REV3L: variants seen among roughly 807,000 people sequenced by gnomAD.
REV3L encodes the protein DNA polymerase zeta catalytic subunit.
REV3L carries 69 observed loss-of-function variants against 299.4 expected under a neutral mutation model. That is an observed-to-expected ratio of 0.23 (90% CI 0.19 to 0.28). The LOEUF (loss-of-function observed/expected upper bound fraction) is 0.28. REV3L is among the 10% of genes least tolerant of loss of function. REV3L has a pLI of 1.00. For missense variants in REV3L, 3,128 were observed against 3,693.8 expected (o/e 0.85, Z 3.97); for synonymous variants, 1,238 against 1,271.4 (o/e 0.97, Z 0.56).
intron 14 of REV3L, among the ~76,000 whole-genome samples, chr6:111,366,183 T>A (rs771441649): frequency 3.9e-5 from 6 of 152,150 alleles, no homozygotes; most frequent in Non-Finnish European, 7.4e-5. Context: ...GAGGCATGTA[T>A]ATATAAGTGT....
Position 111,405,465 on chromosome 6 carries a change from C to A in REV3L, c.565+5G>T. 1 of 1,584,382 alleles carries A rather than the reference C, an allele frequency of 6.3e-7. No individual in the cohort carries two copies. The highest frequency in any genetic ancestry group is 8.6e-7 in the Non-Finnish European group (1 of 1,167,776). On this transcript the variant is annotated splice_donor_5th_base_variant and intron_variant, in intron 4 of 31. Transcript: ENST00000368802. Reference sequence around the variant, plus strand: ...AAATTTAATTTGACTGAAAATTAACCTTACTTTTCCTTCTTGCTTTTCGGA... The same window carrying A: ...AAATTTAATTTGACTGAAAATTAACATTACTTTTCCTTCTTGCTTTTCGGA...
In REV3L at chr6:111,373,454, G is replaced by T; in HGVS notation, c.4901C>A (p.Ser1634Ter). Residue 1634 changes from serine (S) to a stop codon, truncating the protein, a stop_gained, in exon 13 of 32, where the codon TCA becomes TAA. Coordinates refer to ENST00000368802, the MANE Select transcript of REV3L (RefSeq NM_001372078.1). LOFTEE classifies it high-confidence loss of function. ...TTCAGGAGATAAACTATCTTCAAGT[G>T]AGTAACAACTTTCAAAGCCTGGATC... is the stretch of plus-strand genomic sequence containing the variant. ...FSDPGFESCY[S>*]LEDSLSPEHN... The T allele has an allele frequency of 6.2e-7, 1 of 1,613,630 alleles. No homozygotes were observed. The highest frequency in any genetic ancestry group is 8.5e-7 in the Non-Finnish European group (1 of 1,179,838).
At chr6:111,444,653 T>C (rs1349563417) in intron 1 of REV3L, among the ~76,000 whole-genome samples, 3 of 152,232 alleles carry the variant, frequency 2.0e-5, no homozygotes, top group Non-Finnish European at 2.9e-5. Context: ...AGGTTTTACG[T>C]TCTGAAAATT....
intron 1 of REV3L, among the ~76,000 whole-genome samples, chr6:111,421,348 G>A (rs1785324595): frequency 6.6e-6 from 1 of 152,044 alleles, no homozygotes; most frequent in East Asian, 1.9e-4. Flanking sequence ...CTCTAATTTG[G>A]GGGTCTGAAA....
intron 1 of REV3L, among the ~76,000 whole-genome samples, chr6:111,455,839 T>C (rs1308936543): frequency 1.3e-5 from 2 of 152,208 alleles, no homozygotes; most frequent in Non-Finnish European, 2.9e-5. Context: ...CTTTTATGTA[T>C]GTGTAGGTGT....
chr6:111,482,714 A>T (rs1437341806), intron 1 of REV3L, 36 bp downstream of exon 1: 22 of 1,219,530 alleles, frequency 1.8e-5, no homozygotes, highest in Non-Finnish European at 2.3e-5. Flanking sequence ...CGCCCCGCCG[A>T]CTCCCGCTCC....
chr6:111,361,889 G>A (rs1350155595), intron 16 of REV3L, among the ~76,000 whole-genome samples: 1 of 152,128 alleles, frequency 6.6e-6, no homozygotes, highest in East Asian at 1.9e-4. Flanking sequence ...GAGGAAAGCC[G>A]GTTATCGGGA....
rs1215525361 is a variant in REV3L, at chr6:111,373,316, T to A, written c.5039A>T (p.Asp1680Val). The A allele has an allele frequency of 2.5e-6, 4 of 1,614,022 alleles. No homozygotes were observed. The highest frequency in any genetic ancestry group is 3.4e-6 in the Non-Finnish European group (4 of 1,179,992). Reference protein sequence around the residue: ...DQNLPQKFLSDAVQDLFPGQA... With the variant: ...DQNLPQKFLSVAVQDLFPGQA... The stretch of plus-strand genomic sequence containing the variant: ...TCCTGGAAAAAGATCCTGAACAGCA[T>A]CACTTAGGAACTTCTGAGGCAAATT... Residue 1680 changes from aspartate to valine, a missense_variant, in exon 13 of 32, where the codon GAT becomes GTT. Around this residue, in one of 9 missense-constraint regions of REV3L, gnomAD observed 2,409 missense variants for 2,611.8 expected, o/e 0.92. Transcript: ENST00000368802.
At position 111,358,853 on chromosome 6, in the gene REV3L, C is replaced by A; in HGVS notation, c.7041G>T (p.Val2347=). ...TEKTELTGVI[V]IDKDKTVFSQ... is the part of the protein sequence containing the mutation. ...TGAAAACTGTCTTGTCTTTATCAAT[C>A]ACTATTACACCTGTGAGTTCTGTTT... The change falls in exon 17 of 32, where the codon GTG becomes GTT. Residue 2347 remains valine, a synonymous_variant. Transcript: ENST00000368802. 1 of 1,610,762 alleles carries A rather than the reference C, an allele frequency of 6.2e-7. No individual in the cohort carries two copies. The highest frequency in any genetic ancestry group is 8.5e-7 in the Non-Finnish European group (1 of 1,178,036).
intron 1 of REV3L, among the ~76,000 whole-genome samples, chr6:111,464,605 CTTAAGAG>C: frequency 6.6e-6 from 1 of 151,898 alleles, no homozygotes; most frequent in Non-Finnish European, 1.5e-5. Context: ...AAATGGAACT[CTTAAGAG>C]ATAAGAAAAA....
chr6:111,383,747 CAG>C (rs1308162326), intron 9 of REV3L, among the ~76,000 whole-genome samples: 6 of 150,818 alleles, frequency 4.0e-5, no homozygotes, highest in African/African-American at 1.5e-4. Context: ...TTCACAGAAA[CAG>C]AAAAAAAAAA....
intron 20 of REV3L, among the ~76,000 whole-genome samples, chr6:111,346,231 C>T (rs545525057): frequency 5.9e-5 from 9 of 152,174 alleles, no homozygotes; most frequent in Non-Finnish European, 1.2e-4. Context: ...CTGTTTCCAA[C>T]CCACTTGGCA....
intron 1 of REV3L, among the ~76,000 whole-genome samples, chr6:111,469,242 T>C (rs1372450457): frequency 6.6e-6 from 1 of 152,176 alleles, no homozygotes; most frequent in Non-Finnish European, 1.5e-5. Flanking sequence ...GCTCACCTCT[T>C]GATACCTTAT....
At chr6:111,471,342 A>T (rs915532616) in intron 1 of REV3L, among the ~76,000 whole-genome samples, 1 of 152,208 alleles carries the variant, frequency 6.6e-6, no homozygotes, top group Non-Finnish European at 1.5e-5. Flanking sequence ...AAATTTTTAA[A>T]AAGTGTTTTA....
chr6:111,427,721 C>T (rs554246786), intron 1 of REV3L, among the ~76,000 whole-genome samples: 30 of 152,302 alleles, frequency 2.0e-4, no homozygotes, highest in Non-Finnish European at 3.7e-4. Context: ...GGCTTCTCCA[C>T]CATCTTGGGT....
chr6:111,412,193 G>C, intron 2 of REV3L: 1 of 985,218 alleles, frequency 1.0e-6, no homozygotes, highest in Non-Finnish European at 1.2e-6. Context: ...AGTGCATCCT[G>C]TGAAAAAACT....
chr6:111,343,809 C>A, intron 21 of REV3L, 116 bp downstream of exon 21: 1 of 662,476 alleles, frequency 1.5e-6, no homozygotes, highest in Non-Finnish European at 2.4e-6. Flanking sequence ...GGATTACAGG[C>A]GTAAGCCACC....
At chr6:111,408,042 T>C (rs1783828968) in intron 3 of REV3L, among the ~76,000 whole-genome samples, 1 of 152,288 alleles carries the variant, frequency 6.6e-6, no homozygotes, top group East Asian at 1.9e-4. Context: ...TGAGTATGAA[T>C]GTGTGCGTAT....
chr6:111,315,372 C>T lies in REV3L; in HGVS notation c.8361G>A (p.Val2787=). ...GCTCCTTAGTGGCTCCTTTCAGTAG[C>T]ACAAACATACTAAGGGGATTAAAAA... ...VVYGDTDSMF[V]LLKGATKEQS... is the part of the protein sequence containing the mutation. Residue 2787 remains valine (V), a synonymous_variant, in exon 27 of 32, where the codon GTG becomes GTA. Transcript: ENST00000368802. 1 of 1,612,944 alleles carries T rather than the reference C, an allele frequency of 6.2e-7. No individual in the cohort carries two copies. The highest frequency in any genetic ancestry group is 8.5e-7 in the Non-Finnish European group (1 of 1,179,184).
Sources: gnomAD v4.1 joint callset for allele counts (sites outside exome capture counted in the v4.1 genomes callset) on GRCh38, gnomAD v4.1.1 for gene constraint, gnomAD v4.1.1 regional missense constraint, MANE v1.5 for transcripts, NCBI Gene and HGNC (gene_info 2026-07-23, HGNC 2026-07-21) for gene names.